RP1: variants seen among roughly 807,000 people sequenced by gnomAD.
RP1 encodes the protein oxygen-regulated protein 1.
Under a neutral mutation model 14.8 loss-of-function variants are expected in RP1, and 16 were observed. The ratio of observed to expected loss-of-function variants is 1.08; its 90% CI spans 0.73 to 1.65. The LOEUF (loss-of-function observed/expected upper bound fraction) is 1.65, where lower values mean the gene tolerates loss of function less well. RP1 is among the 40% of genes most tolerant of loss of function. The pLI is 0.00. For synonymous variants in RP1, 876 were observed against 883.6 expected (o/e 0.99, Z 0.15); for missense variants, 2,631 against 2,535.0 (o/e 1.04, Z -0.81).
intron 24 of RP1, among the ~76,000 whole-genome samples, chr8:54,825,717 A>G (rs1033678137): frequency 2.0e-5 from 3 of 152,130 alleles, no homozygotes; most frequent in African/African-American, 7.2e-5. Flanking sequence ...TTCCAACAGT[A>G]CTTGTGGATA....
chr8:54,669,445 C>T (rs1807094192), intron 7 of RP1, among the ~76,000 whole-genome samples: 1 of 152,144 alleles, frequency 6.6e-6, no homozygotes, highest in Non-Finnish European at 1.5e-5. Flanking sequence ...TAAACTAGTT[C>T]AACGATTGTG....
At chr8:54,828,882 CTTTTTTTTTTTTTTTT>C (rs201534661) in intron 24 of RP1, among the ~76,000 whole-genome samples, 1 of 83,900 alleles carries the variant, frequency 1.2e-5, no homozygotes, top group Non-Finnish European at 2.2e-5. Context: ...TCTTCTTCTT[CTTTTTTTTTTTTTTTT>C]TTTTTTTTTT....
chr8:54,632,881 A>G (rs1368599696), downstream of RP1, among the ~76,000 whole-genome samples: 1 of 152,156 alleles, frequency 6.6e-6, no homozygotes, highest in Non-Finnish European at 1.5e-5. Flanking sequence ...TGCTTTAGAG[A>G]TGAAGTACCT....
At chr8:54,804,683 A>G (rs528701943) in intron 24 of RP1, among the ~76,000 whole-genome samples, 1 of 152,264 alleles carries the variant, frequency 6.6e-6, no homozygotes, top group South Asian at 2.1e-4. Flanking sequence ...TAATGTTAAA[A>G]GCTACATTTG....
rs1805993246 is a variant in RP1 at position 54,625,105 on chromosome 8, T to G, written c.1223T>G (p.Ile408Arg). ...SNQEGSLAEE[I>R]NIQMTDQVAE... ...CAAGAGGGCAGTTTGGCAGAGGAGA[T>G]AAACATTCAAATGACAGATCAAGTG... Residue 408 changes from isoleucine to arginine, a missense_variant, in exon 4 of 4, where the codon ATA becomes AGA. Transcript: ENST00000220676. 1.2e-6 allele frequency: 2 copies of G among 1,614,130 alleles called. No homozygotes were observed. Among genetic ancestry groups the G allele is most frequent in the South Asian group, 2.2e-5 (2 of 91,084 alleles).
At chr8:54,747,525 C>T (rs558700181) in intron 19 of RP1, among the ~76,000 whole-genome samples, 12 of 152,280 alleles carry the variant, frequency 7.9e-5, no homozygotes, top group African/African-American at 2.4e-4. Flanking sequence ...TACAGTATTG[C>T]CTGTCATGTA....
At chr8:54,861,330 A>T (rs1812337400) in intron 27 of RP1, among the ~76,000 whole-genome samples, 1 of 152,238 alleles carries the variant, frequency 6.6e-6, no homozygotes, top group Admixed American at 6.5e-5. Flanking sequence ...TTTACTAATC[A>T]TGTGGGGATA....
At chr8:54,673,635 G>A (rs1334997405) in intron 7 of RP1, among the ~76,000 whole-genome samples, 1 of 152,080 alleles carries the variant, frequency 6.6e-6, no homozygotes, top group African/African-American at 2.4e-5. Flanking sequence ...AGATACTCAG[G>A]AGGCTGAAGT....
At position 54,652,720 on chromosome 8, in the gene RP1, G is replaced by A. The variant is rs527651679; in HGVS notation, c.952-60G>A. The A allele has an allele frequency of 2.8e-5, 32 of 1,125,634 alleles. 1 individual carries two copies. In the South Asian group the frequency reaches 4.0e-4, roughly 14 times the overall value. 69.7% of individuals were successfully genotyped at this position (1,125,634 alleles called of 1,614,324 possible). A position where few individuals can be genotyped will look rare whatever the true frequency, so the allele number is the denominator to read the frequency against. On this transcript the variant is annotated intron_variant, in intron 4 of 22. Coordinates refer to the RP1 transcript ENST00000636932. The stretch of plus-strand genomic sequence containing the variant: ...ATCAACATTTCATGTCCTAATCTGA[G>A]CTGTTTTTAAGTGAATTTTGTGAAA...
chr8:54,804,271 A>T (rs1330080491), intron 24 of RP1, among the ~76,000 whole-genome samples: 3 of 152,112 alleles, frequency 2.0e-5, no homozygotes, highest in Admixed American at 6.5e-5. Flanking sequence ...AAAAAAGGCA[A>T]CTTCTAAAAG....
intron 14 of RP1, among the ~76,000 whole-genome samples, chr8:54,705,196 C>T (rs77365679): frequency 0.027 from 4,120 of 151,686 alleles, 171 homozygotes; most frequent in African/African-American, 0.094. Context: ...GATAATTCAC[C>T]GGAAGAACTC....
intron 1 of RP1, among the ~76,000 whole-genome samples, chr8:54,580,107 G>T (rs1030446336): frequency 6.6e-6 from 1 of 151,550 alleles, no homozygotes; most frequent in Admixed American, 6.6e-5. Flanking sequence ...ACATTCAACC[G>T]GCTTGAAGCC....
At chr8:54,613,031 C>A (rs190192500), upstream of RP1, among the ~76,000 whole-genome samples, 148 of 152,178 alleles carry the variant, frequency 9.7e-4, no homozygotes, top group African/African-American at 3.5e-3. Context: ...ATAATGTGAC[C>A]CCATGAAGGC....
rs774950369 is a variant in RP1, at chr8:54,630,346, A to T, written c.6464A>T (p.Asp2155Val). The T allele has an allele frequency of 6.2e-7, 1 of 1,613,544 alleles. No homozygotes were observed. The highest frequency in any genetic ancestry group is 8.5e-7 in the Non-Finnish European group (1 of 1,179,778). ...TDLESSREQE[D>V]L ...CTTGAAAGCAGTAGAGAACAAGAAGATTTATAATTTCAATATCAGCACACT... is the reference window on the plus strand; with the variant it reads ...CTTGAAAGCAGTAGAGAACAAGAAGTTTTATAATTTCAATATCAGCACACT... Residue 2155 changes from aspartate to valine, a missense_variant, in exon 4 of 4, where the codon GAT becomes GTT. Physicochemically the swap from Asp to Val is radical, Grantham distance 152. Coordinates refer to ENST00000220676, the MANE Select transcript of RP1 (RefSeq NM_006269.2).
intron 24 of RP1, chr8:54,837,347 A>G: frequency 2.4e-6 from 1 of 421,688 alleles, no homozygotes; most frequent in Non-Finnish European, 4.0e-6. Context: ...ATTAGTAAGG[A>G]GTATTTATGA....
At chr8:54,684,448 T>C in intron 12 of RP1, among the ~76,000 whole-genome samples, 1 of 152,166 alleles carries the variant, frequency 6.6e-6, no homozygotes, top group East Asian at 1.9e-4. Flanking sequence ...TAGTAGGCTT[T>C]TTTTGGTTGG....
chr8:54,836,524 G>T (rs1811659958), intron 24 of RP1, among the ~76,000 whole-genome samples: 1 of 152,168 alleles, frequency 6.6e-6, no homozygotes, highest in Non-Finnish European at 1.5e-5. Context: ...CGTAAGAAGG[G>T]TTTGATGTGC....
rs140409703 is a variant in RP1, at chr8:54,792,257, A to G, written c.3615+8547A>G. 8.0e-4 allele frequency among the ~76,000 whole-genome samples: 122 copies of G among 152,142 alleles called. 2 individuals are homozygous for G. The East Asian group carries it at 0.023, about 29-fold the overall frequency. On this transcript the variant is annotated intron_variant, in intron 24 of 28. Transcript: ENST00000637698. ...GAAAGGAGAAATAAGCAACAATATT[A>G]TAATAGTAAGGATCTTTGATATTAA...
intron 14 of RP1, chr8:54,701,686 G>A (rs1808024633): frequency 6.5e-7 from 1 of 1,527,816 alleles, no homozygotes; most frequent in African/African-American, 1.4e-5. Context: ...AGTTATTAAA[G>A]TTTATATTGC....
Sources: gnomAD v4.1 joint callset for allele counts (sites outside exome capture counted in the v4.1 genomes callset) on GRCh38, gnomAD v4.1.1 for gene constraint, MANE v1.5 for transcripts, NCBI Gene and HGNC (gene_info 2026-07-23, HGNC 2026-07-21) for gene names.